PRKG1: variants seen among roughly 807,000 people sequenced by gnomAD.
PRKG1 encodes cGMP-dependent protein kinase 1.
In PRKG1, 35 loss-of-function variants were observed where a neutral mutation model predicts 88.1. That is an observed-to-expected ratio of 0.40 (90% confidence interval 0.30 to 0.53). PRKG1 has a LOEUF of 0.53. Ranked by LOEUF, PRKG1 falls within the 20% of genes least tolerant of loss-of-function variation. The probability of loss-of-function intolerance (pLI) is 0.59; values close to 1 mark genes in which losing one functional copy is unlikely to be tolerated. For missense variants in PRKG1, 540 were observed against 839.8 expected, an observed-to-expected ratio of 0.64 and a Z score of 4.41; for synonymous variants, 303 against 292.5, an observed-to-expected ratio of 1.04 and a Z score of -0.37.
At chr10:52,150,177 A>ATTATT (rs1554810273) in intron 8 of PRKG1, among the ~76,000 whole-genome samples, 3 of 106,734 alleles carry the variant, frequency 2.8e-5, no homozygotes, top group Admixed American at 8.6e-5. Context: ...TAATAATAAT[A>ATTATT]ATAATAATTT....
intron 5 of PRKG1, among the ~76,000 whole-genome samples, chr10:52,016,343 C>T (rs1845039788): frequency 2.0e-5 from 3 of 152,110 alleles, no homozygotes; most frequent in Non-Finnish European, 4.4e-5. Flanking sequence ...GGGAATCTGC[C>T]AAACAGTTTT....
intron 1 of PRKG1, among the ~76,000 whole-genome samples, chr10:51,099,131 G>A (rs1844615075): frequency 6.6e-6 from 1 of 152,030 alleles, no homozygotes; most frequent in Admixed American, 6.6e-5. Context: ...GTGAACCCTT[G>A]TCTCAGGATC....
intron 4 of PRKG1, 67 bp from the exon 5 acceptor site, chr10:51,907,440 C>A: frequency 2.4e-6 from 3 of 1,230,780 alleles, no homozygotes; most frequent in South Asian, 1.6e-5. Context: ...GATTCATGGT[C>A]ATTTTTATTA....
chr10:51,396,353 A>C (rs1238490160), intron 2 of PRKG1, among the ~76,000 whole-genome samples: 2 of 152,160 alleles, frequency 1.3e-5, no homozygotes, highest in Non-Finnish European at 2.9e-5. Context: ...GTGATCGCAT[A>C]ACTACATTCC....
chr10:51,339,965 C>T (rs1220143140), intron 2 of PRKG1, among the ~76,000 whole-genome samples: 1 of 152,084 alleles, frequency 6.6e-6, no homozygotes, highest in Non-Finnish European at 1.5e-5. Context: ...AGGCTTTTAT[C>T]TTTCAAAAAG....
intron 1 of PRKG1, among the ~76,000 whole-genome samples, chr10:51,147,535 TAGAC>T (rs1845972511): frequency 6.6e-6 from 1 of 152,212 alleles, no homozygotes; most frequent in African/African-American, 2.4e-5. Flanking sequence ...TCATTGTTTT[TAGAC>T]TATTAATATT....
intron 9 of PRKG1, among the ~76,000 whole-genome samples, chr10:52,175,856 G>T (rs974242483): frequency 6.6e-6 from 1 of 152,006 alleles, no homozygotes; most frequent in Non-Finnish European, 1.5e-5. Flanking sequence ...GGTTTTTGCT[G>T]TTGAGATGTT....
chr10:51,858,930 A>T (rs1840792407), intron 4 of PRKG1, among the ~76,000 whole-genome samples: 1 of 152,102 alleles, frequency 6.6e-6, no homozygotes, highest in Admixed American at 6.6e-5. Context: ...TGCCTTTAAT[A>T]TTCCTTTGAT....
intron 5 of PRKG1, among the ~76,000 whole-genome samples, chr10:52,004,605 C>T (rs1226654127): frequency 6.6e-6 from 1 of 152,116 alleles, no homozygotes; most frequent in Non-Finnish European, 1.5e-5. Context: ...AAATGCATAG[C>T]ATGGAATGTC....
intron 2 of PRKG1, among the ~76,000 whole-genome samples, chr10:51,363,877 A>G (rs1842537032): frequency 1.3e-5 from 2 of 151,964 alleles, no homozygotes; most frequent in Admixed American, 1.3e-4. Flanking sequence ...AAAGTTTCTT[A>G]TTTCTTTAGA....
intron 2 of PRKG1, among the ~76,000 whole-genome samples, chr10:51,163,588 G>A (rs1490204267): frequency 6.6e-6 from 1 of 152,200 alleles, no homozygotes; most frequent in Non-Finnish European, 1.5e-5. Context: ...GAAGCAGGGC[G>A]AGGCATTGCC....
intron 3 of PRKG1, among the ~76,000 whole-genome samples, chr10:51,750,274 T>C (rs1167034352): frequency 6.6e-6 from 1 of 152,138 alleles, no homozygotes; most frequent in Non-Finnish European, 1.5e-5. Flanking sequence ...TAGCCATAAT[T>C]CTGCAGGTGT....
chr10:51,922,195 A>G (rs1441669321), intron 5 of PRKG1, among the ~76,000 whole-genome samples: 2 of 151,264 alleles, frequency 1.3e-5, no homozygotes, highest in Non-Finnish European at 3.0e-5. Flanking sequence ...AGAGTTGTTT[A>G]TAATTTTTTT....
At position 51,907,704 on chromosome 10, in the gene PRKG1, A is replaced by G. The variant is rs907619087; in HGVS notation, c.762+134A>G. The G allele has an allele frequency of 1.9e-5, 13 of 668,724 alleles. No homozygotes were observed. In the African/African-American group the frequency reaches 2.0e-4, roughly 10 times the overall value. The allele number at this position is 668,724 out of a possible 1,614,324, so 41.4% of individuals were successfully genotyped here. ...ATTTCTAAGCTCTGGGATGAGCTAT[A>G]TATTTGGCTTCGTATAGAAAGCAGC... On this transcript the variant is annotated intron_variant, in intron 5 of 17. Transcript: ENST00000373980.
chr10:51,926,519 G>A (rs999645891), intron 5 of PRKG1, among the ~76,000 whole-genome samples: 14 of 152,150 alleles, frequency 9.2e-5, no homozygotes, highest in Non-Finnish European at 1.3e-4. Flanking sequence ...TGTCGCCACT[G>A]TTTAAAACAA....
chr10:51,212,937 C>G (rs950371034), intron 2 of PRKG1, among the ~76,000 whole-genome samples: 2 of 152,048 alleles, frequency 1.3e-5, no homozygotes, highest in African/African-American at 4.8e-5. Flanking sequence ...ACTAGAAATA[C>G]CATTTGACCC....
intron 2 of PRKG1, among the ~76,000 whole-genome samples, chr10:51,455,634 T>C (rs1839563709): frequency 1.3e-5 from 2 of 152,190 alleles, no homozygotes; most frequent in Non-Finnish European, 1.5e-5. Flanking sequence ...ATGCCACCAA[T>C]CTCTTTGCTA....
chr10:51,649,015 G>A (rs553729161), intron 3 of PRKG1, among the ~76,000 whole-genome samples: 3 of 152,018 alleles, frequency 2.0e-5, no homozygotes, highest in African/African-American at 4.8e-5. Flanking sequence ...ACTAAACCCC[G>A]TCTCTATAAA....
intron 9 of PRKG1, among the ~76,000 whole-genome samples, chr10:52,233,553 G>C (rs61847357): frequency 1.4e-5 from 2 of 138,108 alleles, no homozygotes; most frequent in Non-Finnish European, 3.3e-5. Flanking sequence ...AAGGGGTGAC[G>C]GACGCACCTG....
Sources: allele counts gnomAD v4.1 joint callset (sites outside exome capture counted in the v4.1 genomes callset), GRCh38; gene constraint gnomAD v4.1.1; transcripts MANE v1.5; gene names NCBI Gene and HGNC (gene_info 2026-07-23, HGNC 2026-07-21).